UTRN: variants seen among roughly 807,000 people sequenced by gnomAD.
UTRN encodes the protein dystrophin-related protein 1.
UTRN carries 283 observed loss-of-function variants against 463.9 expected under a neutral mutation model. That is an observed-to-expected ratio of 0.61 (90% CI 0.55 to 0.67). The LOEUF is 0.67. Ranked by LOEUF, UTRN falls within the 30% of genes least tolerant of loss-of-function variation. The pLI is 0.00. For missense variants in UTRN, 3,922 were observed against 4,084.3 expected (o/e 0.96, Z 1.08); for synonymous variants, 1,442 against 1,431.5 (o/e 1.01, Z -0.17).
chr6:144,768,541 G>C lies in UTRN; in HGVS notation c.8496-3366G>C, dbSNP rs141062468. On this transcript the variant is annotated intron_variant, in intron 58 of 74. Coordinates refer to ENST00000367545, the MANE Select transcript of UTRN (RefSeq NM_007124.3). ...CATTTAACTCATAGTAAGGGAACCA[G>C]TAAGAAGTTATAATAGGTTCCAAAG... Among the ~76,000 whole-genome samples the C allele has an allele frequency of 2.6e-5, 4 of 152,240 alleles. No individual in the cohort carries two copies. The East Asian group carries it at 7.7e-4, about 29-fold the overall frequency.
chr6:144,742,884 A>G (rs1458898263), intron 54 of UTRN, among the ~76,000 whole-genome samples: 2 of 152,184 alleles, frequency 1.3e-5, no homozygotes, highest in African/African-American at 4.8e-5. Flanking sequence ...GTCTTTTGGT[A>G]GAATAAAACA....
chr6:144,373,626 A>C (rs1433155849), intron 2 of UTRN, among the ~76,000 whole-genome samples: 1 of 152,122 alleles, frequency 6.6e-6, no homozygotes, highest in East Asian at 1.9e-4. Context: ...ACAGTAAAAA[A>C]CCACAGAATC....
intron 33 of UTRN, among the ~76,000 whole-genome samples, chr6:144,495,337 C>G (rs930569507): frequency 2.0e-5 from 3 of 152,242 alleles, no homozygotes; most frequent in African/African-American, 7.2e-5. Flanking sequence ...AGCGCAGCGC[C>G]GGTGGGCTGG....
chr6:144,335,335 A>G lies in UTRN; in HGVS notation c.79+43428A>G, dbSNP rs556536438. 2.6e-5 allele frequency among the ~76,000 whole-genome samples: 4 copies of G among 152,236 alleles called. No homozygotes were observed. In the South Asian group the frequency reaches 6.2e-4, roughly 24 times the overall value. ...CCCTTTCTCCTTTGTACCTTCTGAC[A>G]TTGTTTCTGAGTTCCCTCCTCCCAT... is the stretch of plus-strand genomic sequence containing the variant. On this transcript the variant is annotated intron_variant, in intron 2 of 74. Coordinates refer to ENST00000367545, the MANE Select transcript of UTRN (RefSeq NM_007124.3).
intron 51 of UTRN, among the ~76,000 whole-genome samples, chr6:144,613,501 T>C (rs548454319): frequency 1.3e-5 from 2 of 152,242 alleles, no homozygotes; most frequent in African/African-American, 4.8e-5. Flanking sequence ...CTATGGTTTT[T>C]CAATTACAAA....
chr6:144,625,832 T>C (rs539986055), intron 51 of UTRN, among the ~76,000 whole-genome samples: 27 of 152,216 alleles, frequency 1.8e-4, no homozygotes, highest in Non-Finnish European at 3.8e-4. Flanking sequence ...CTTCCTTTTA[T>C]GTGACAAAAA....
chr6:144,521,940 T>C (rs745407202), intron 39 of UTRN, 40 bp from the exon 40 acceptor site: 2 of 1,034,842 alleles, frequency 1.9e-6, no homozygotes, highest in Admixed American at 4.2e-5. Context: ...TTAAGAGATA[T>C]ATATATATAT....
intron 58 of UTRN, among the ~76,000 whole-genome samples, chr6:144,764,025 A>G (rs1792994266): frequency 6.6e-6 from 1 of 152,224 alleles, no homozygotes; most frequent in Non-Finnish European, 1.5e-5. Context: ...AGTAAATGAA[A>G]TAGAAGCATA....
At chr6:144,405,001 G>A (rs1203132170) in intron 3 of UTRN, among the ~76,000 whole-genome samples, 1 of 152,062 alleles carries the variant, frequency 6.6e-6, no homozygotes, top group Non-Finnish European at 1.5e-5. Flanking sequence ...TGGAATATTT[G>A]TATTTCTTAC....
rs1317699998 is a variant in UTRN, at chr6:144,479,980, A to G, written c.3505A>G (p.Lys1169Glu). 1 of 1,613,594 alleles carries G rather than the reference A, an allele frequency of 6.2e-7. No individual in the cohort carries two copies. The highest frequency in any genetic ancestry group is 1.3e-5 in the African/African-American group (1 of 75,002). Residue 1169 changes from lysine (K) to glutamate (E), a missense_variant and splice_region_variant, in exon 26 of 75, where the codon AAG (lysine) becomes GAG (glutamate). Around this residue, in one of 3 missense-constraint regions of UTRN, gnomAD observed 2,349 missense variants for 2,303.8 expected, o/e 1.02. Coordinates refer to ENST00000367545, the MANE Select transcript of UTRN (RefSeq NM_007124.3). ...GCTTGAGAGTGCTGTGGAAGAGATG[A>G]AGGTGAGGCGGGGACGACCAGTGCC... ...EELESAVEEMKRAKEDVLQKE... is the reference protein window; with the variant it reads ...EELESAVEEMERAKEDVLQKE...
intron 53 of UTRN, chr6:144,708,300 A>G (rs1014899437): frequency 3.0e-6 from 2 of 666,004 alleles, no homozygotes; most frequent in Non-Finnish European, 5.8e-6. Context: ...ATTCTTTTAC[A>G]AGACCATGTA....
chr6:144,366,524 G>C (rs1315858224), intron 2 of UTRN, among the ~76,000 whole-genome samples: 1 of 152,168 alleles, frequency 6.6e-6, no homozygotes, highest in Non-Finnish European at 1.5e-5. Context: ...TCCTGTGTTA[G>C]CTTGCTAAGG....
rs757105242 is a variant in UTRN, at chr6:144,291,893, T to C, written c.65T>C (p.Ile22Thr). Reference protein sequence around the residue: ...DNGQNEFSDIIKSRSDEHNDV... With the variant: ...DNGQNEFSDITKSRSDEHNDV... The stretch of plus-strand genomic sequence containing the variant: ...GGGCAGAACGAATTCAGTGATATCA[T>C]TAAGTCCAGATCTGGTAGGTAAAGG... Residue 22 changes from isoleucine to threonine, a missense_variant, in exon 2 of 75, where the codon ATT (isoleucine) becomes ACT (threonine). Around this residue, in one of 3 missense-constraint regions of UTRN, gnomAD observed 264 missense variants for 327.9 expected, o/e 0.81. Transcript: ENST00000367545. 32 of 1,612,890 alleles carry C rather than the reference T, an allele frequency of 2.0e-5. No homozygotes were observed. Among genetic ancestry groups the C allele is most frequent in the Non-Finnish European group, 2.6e-5 (31 of 1,179,382 alleles).
At chr6:144,621,053 G>A (rs1420125058) in intron 51 of UTRN, among the ~76,000 whole-genome samples, 1 of 152,090 alleles carries the variant, frequency 6.6e-6, no homozygotes, top group Non-Finnish European at 1.5e-5. Context: ...TGTAACCTTG[G>A]ACAAACTAGT....
chr6:144,422,744 T>C (rs2114849886), intron 4 of UTRN, among the ~76,000 whole-genome samples: 2 of 152,364 alleles, frequency 1.3e-5, no homozygotes, highest in South Asian at 4.1e-4. Context: ...TCCAAACTCA[T>C]GCAGATAAAA....
chr6:144,817,439 T>C (rs1779188534), intron 65 of UTRN, among the ~76,000 whole-genome samples: 1 of 152,160 alleles, frequency 6.6e-6, no homozygotes, highest in African/African-American at 2.4e-5. Context: ...AAGAAAAATG[T>C]ATTATACCTA....
chr6:144,690,871 C>A (rs149549948), intron 52 of UTRN, among the ~76,000 whole-genome samples: 6 of 152,280 alleles, frequency 3.9e-5, no homozygotes, highest in African/African-American at 1.4e-4. Flanking sequence ...TGGGGACTTA[C>A]AATTTTTGGC....
chr6:144,453,652 A>T, intron 18 of UTRN, 130 bp from the exon 19 acceptor site: 1 of 671,404 alleles, frequency 1.5e-6, no homozygotes, highest in Non-Finnish European at 2.4e-6. Context: ...AGTTGCTATG[A>T]TTACGTTTGA....
intron 15 of UTRN, 60 bp downstream of exon 15, chr6:144,447,378 G>A (rs1787800302): frequency 2.0e-6 from 3 of 1,521,514 alleles, no homozygotes; most frequent in Non-Finnish European, 2.7e-6. Flanking sequence ...ATGTTTTATA[G>A]CTAATGGTTA....
Sources: gnomAD v4.1 joint callset for allele counts (sites outside exome capture counted in the v4.1 genomes callset) on GRCh38, gnomAD v4.1.1 for gene constraint, gnomAD v4.1.1 regional missense constraint, MANE v1.5 for transcripts, NCBI Gene and HGNC (gene_info 2026-07-23, HGNC 2026-07-21) for gene names.